The following ZNF679 variants were observed in gnomAD, a reference collection of about 807,000 sequenced individuals.
ZNF679 encodes the protein hypothetical protein MGC42415.
ZNF679 carries 10 observed loss-of-function variants against 13.4 expected under a neutral mutation model. That is an observed-to-expected ratio of 0.75 (90% confidence interval 0.46 to 1.27). The LOEUF is 1.27. ZNF679 is among the 50% of genes most tolerant of loss of function. The pLI is 0.00. For synonymous variants in ZNF679, 179 were observed against 162.5 expected (o/e 1.10, Z -0.77); for missense variants, 525 against 477.8 (o/e 1.10, Z -0.92).
At position 64,265,876 on chromosome 7, in the gene ZNF679, G is replaced by A. The variant is rs752701646; in HGVS notation, c.263-20G>A. The A allele has an allele frequency of 1.3e-5, 21 of 1,605,566 alleles. No homozygotes were observed. The highest frequency in any genetic ancestry group is 1.6e-5 in the Non-Finnish European group (19 of 1,176,728). ...CTGGGTGTAGTAAGTGAAGTAACTT[G>A]TGATTTTTATGTCTTTCAGTTATGT... is the stretch of plus-strand genomic sequence containing the variant. On this transcript the variant is annotated intron_variant, in intron 4 of 4. Coordinates refer to ENST00000421025, the MANE Select transcript of ZNF679 (RefSeq NM_153363.3).
chr7:64,243,103 T>G (rs555270548), intron 1 of ZNF679, among the ~76,000 whole-genome samples: 1 of 152,330 alleles, frequency 6.6e-6, no homozygotes, highest in Non-Finnish European at 1.5e-5. Flanking sequence ...ACTCTTTATA[T>G]CACCCAAAGA....
At chr7:64,258,164 CGTT>C (rs1234695935) in intron 2 of ZNF679, among the ~76,000 whole-genome samples, 2 of 151,476 alleles carry the variant, frequency 1.3e-5, no homozygotes, top group African/African-American at 2.4e-5. Context: ...TGGAGAAGCT[CGTT>C]GTTCTCTGCT....
chr7:64,261,857 TTTC>T (rs1788081715), intron 4 of ZNF679, among the ~76,000 whole-genome samples: 1 of 134,762 alleles, frequency 7.4e-6, no homozygotes, highest in African/African-American at 2.6e-5. Context: ...CAATTCTTTC[TTTC>T]TTTTTTTTTT....
intron 2 of ZNF679, among the ~76,000 whole-genome samples, chr7:64,258,304 A>G (rs1381404183): frequency 6.6e-6 from 1 of 152,142 alleles, no homozygotes; most frequent in East Asian, 1.9e-4. Flanking sequence ...TATTCTCAAG[A>G]TGCAGGTTTG....
chr7:64,250,670 C>T (rs978662535), intron 2 of ZNF679, among the ~76,000 whole-genome samples: 4 of 151,954 alleles, frequency 2.6e-5, no homozygotes, highest in African/African-American at 9.7e-5. Context: ...CTCATTACAA[C>T]CTCTGCCTCC....
intron 1 of ZNF679, among the ~76,000 whole-genome samples, chr7:64,234,856 A>C (rs1043313812): frequency 6.6e-6 from 1 of 151,996 alleles, no homozygotes. Flanking sequence ...CTTTTTTTTC[A>C]AGACAGAGTC....
intron 1 of ZNF679, among the ~76,000 whole-genome samples, chr7:64,232,434 G>A (rs1169081802): frequency 2.6e-5 from 4 of 152,254 alleles, no homozygotes; most frequent in Admixed American, 2.6e-4. Flanking sequence ...TCTCTTATTG[G>A]CTGGGTCCAT....
chr7:64,252,997 C>G (rs905531259), intron 2 of ZNF679, among the ~76,000 whole-genome samples: 12 of 152,182 alleles, frequency 7.9e-5, no homozygotes, highest in African/African-American at 2.2e-4. Flanking sequence ...GGATTACAGG[C>G]AAGAGCCACT....
intron 4 of ZNF679, 41 bp from the exon 5 acceptor site, chr7:64,265,855 G>T (rs758109475): frequency 1.9e-6 from 3 of 1,589,000 alleles, no homozygotes; most frequent in African/African-American, 2.7e-5. Flanking sequence ...ATCTATCTGG[G>T]TGTAGTAAGT....
In ZNF679 at chr7:64,235,767, C is replaced by T. The variant is rs569503195; in HGVS notation, c.-91+7115C>T. On this transcript the variant is annotated intron_variant, in intron 1 of 4. Transcript: ENST00000421025. ...TCATGCCACTGCACTCCAGCCTGGG[C>T]GACAAGAGCGAAACCCCGTCAAGAA... Among the ~76,000 whole-genome samples the T allele has an allele frequency of 1.6e-3, 228 of 145,496 alleles. 1 individual carries two copies. The highest frequency in any genetic ancestry group is 2.4e-3 in the Non-Finnish European group (158 of 66,976).
intron 1 of ZNF679, among the ~76,000 whole-genome samples, chr7:64,233,165 C>T (rs918064906): frequency 9.3e-5 from 14 of 150,932 alleles, no homozygotes; most frequent in South Asian, 2.1e-4. Flanking sequence ...CACTTGAATC[C>T]GGGAGGAGGT....
Position 64,266,612 on chromosome 7 carries a change from G to A in ZNF679, c.979G>A (p.Glu327Lys). The A allele has an allele frequency of 6.2e-7, 1 of 1,610,524 alleles. No individual in the cohort carries two copies. The highest frequency in any genetic ancestry group is 8.5e-7 in the Non-Finnish European group (1 of 1,176,992). ...IHTGEKPYTC[E>K]ECGKAFNCSS... ...TACTGGAGAGAAACCCTACACATGT[G>A]AAGAATGTGGCAAAGCCTTTAACTG... Residue 327 changes from glutamate (E) to lysine (K), a missense_variant, in exon 5 of 5, where the codon GAA (glutamate) becomes AAA (lysine). By Grantham distance (56) the Glu-to-Lys change is moderately conservative. Transcript: ENST00000421025.
At chr7:64,248,144 A>G (rs553838181) in intron 1 of ZNF679, among the ~76,000 whole-genome samples, 67 of 152,288 alleles carry the variant, frequency 4.4e-4, no homozygotes, top group African/African-American at 1.5e-3. Context: ...TGGTGGAAAA[A>G]GAGAACCGGG....
intron 4 of ZNF679, among the ~76,000 whole-genome samples, chr7:64,264,029 T>C (rs1433999532): frequency 6.6e-6 from 1 of 152,136 alleles, no homozygotes; most frequent in Non-Finnish European, 1.5e-5. Flanking sequence ...ATTTGCTTTA[T>C]ATATTTTGAA....
intron 2 of ZNF679, among the ~76,000 whole-genome samples, chr7:64,258,391 G>A (rs987863952): frequency 6.6e-6 from 1 of 152,080 alleles, no homozygotes; most frequent in Non-Finnish European, 1.5e-5. Context: ...TTTTCTTGGT[G>A]AGCATGTCTC....
intron 1 of ZNF679, among the ~76,000 whole-genome samples, chr7:64,237,623 G>T (rs1787744997): frequency 6.6e-6 from 1 of 152,082 alleles, no homozygotes; most frequent in African/African-American, 2.4e-5. Context: ...AACACCAACT[G>T]GGTGTTCAAC....
intron 2 of ZNF679, among the ~76,000 whole-genome samples, chr7:64,257,307 CT>C (rs1308790455): frequency 6.6e-6 from 1 of 152,066 alleles, no homozygotes; most frequent in East Asian, 1.9e-4. Context: ...AGTTTCAAAA[CT>C]TTTTTTATTT....
chr7:64,251,898 C>G (rs1175776711), intron 2 of ZNF679, among the ~76,000 whole-genome samples: 1 of 152,192 alleles, frequency 6.6e-6, no homozygotes, highest in Non-Finnish European at 1.5e-5. Flanking sequence ...TCCCTTGCGA[C>G]ATTAGAATTG....
At chr7:64,254,953 T>C (rs1326527610) in intron 2 of ZNF679, among the ~76,000 whole-genome samples, 1 of 134,734 alleles carries the variant, frequency 7.4e-6, no homozygotes, top group African/African-American at 2.8e-5. Context: ...TGAGCTGAGA[T>C]CATGCCACTG....
Sources: gnomAD v4.1 joint callset for allele counts (sites outside exome capture counted in the v4.1 genomes callset) on GRCh38, gnomAD v4.1.1 for gene constraint, MANE v1.5 for transcripts, NCBI Gene and HGNC (gene_info 2026-07-23, HGNC 2026-07-21) for gene names.